The following SIPA1 variants were observed in gnomAD, a reference collection of about 807,000 sequenced individuals.
SIPA1 encodes signal-induced proliferation-associated protein 1.
SIPA1 carries 51 observed loss-of-function variants against 88.1 expected under a neutral mutation model. That is an observed-to-expected ratio of 0.58 (90% CI 0.46 to 0.73). The LOEUF (loss-of-function observed/expected upper bound fraction) is 0.73. SIPA1 is among the 30% of genes least tolerant of loss of function. The pLI, the probability that SIPA1 is intolerant of heterozygous loss-of-function variation, is 0.00. For missense variants in SIPA1, 1,348 were observed against 1,467.6 expected (o/e 0.92, Z 1.33); for synonymous variants, 681 against 664.8 (o/e 1.02, Z -0.37).
Position 65,647,391 on chromosome 11 carries a change from G to T in SIPA1, c.2039G>T (p.Ser680Ile). ...GTCCCGCCCCGTCCGCAGCTGGTGA[G>T]CCGTGGCTGCGAGACCCGCGAGCTG... is the stretch of plus-strand genomic sequence containing the variant. ...GEVVARLQLV[S>I]RGCETRELAL... Residue 680 changes from serine (S) to isoleucine (I), a missense_variant, in exon 9 of 16, where the codon AGC becomes ATC. Around this residue, in one of 4 missense-constraint regions of SIPA1, gnomAD observed 615 missense variants for 559.8 expected, o/e 1.10. Transcript: ENST00000534313. 1 of 1,450,118 alleles carries T rather than the reference G, an allele frequency of 6.9e-7. No homozygotes were observed. The allele number at this position is 1,450,118 out of a possible 1,614,324, so 89.8% of individuals were successfully genotyped here.
Position 65,647,651 on chromosome 11 carries a change from C to A in SIPA1, c.2299C>A (p.Pro767Thr). Residue 767 changes from proline to threonine, a missense_variant, in exon 9 of 16, where the codon CCC (proline) becomes ACC (threonine). Pro to Thr is a conservative substitution (Grantham distance 38, BLOSUM62 -1). Transcript: ENST00000534313. ...TVLPPDESGR[P>T]RRSFSELYTL... ...CCTGCCCCCCGACGAGAGCGGCCGG[C>A]CCCGCAGGTCAGGGTGCCGGGGACG... The A allele has an allele frequency of 1.5e-6, 2 of 1,364,740 alleles. No homozygotes were observed. Among genetic ancestry groups the A allele is most frequent in the Non-Finnish European group, 1.9e-6 (2 of 1,062,144 alleles). 84.5% of individuals were successfully genotyped at this position (1,364,740 alleles called of 1,614,324 possible). A position where few individuals can be genotyped will look rare whatever the true frequency, so the allele number is the denominator to read the frequency against.
rs751662594 is a variant in SIPA1 at position 65,641,377 on chromosome 11, G to C, written c.456G>C (p.Gln152His). Residue 152 changes from glutamine (Q) to histidine (H), a missense_variant, in exon 2 of 16, where the codon CAG becomes CAC. Coordinates refer to ENST00000534313, the MANE Select transcript of SIPA1 (RefSeq NM_006747.4). ...SSGTLASAEDQAASSDLLHGA... is the reference protein window; with the variant it reads ...SSGTLASAEDHAASSDLLHGA... ...GGACCCTGGCTTCAGCCGAGGACCA[G>C]GCTGCCAGCTCGGACCTGCTGCATG... is the stretch of plus-strand genomic sequence containing the variant. 5 of 1,613,194 alleles carry C rather than the reference G, an allele frequency of 3.1e-6. No homozygotes were observed. The highest frequency in any genetic ancestry group is 2.7e-5 in the African/African-American group (2 of 74,952).
chr11:65,649,433 G>A lies in SIPA1; in HGVS notation c.2478G>A (p.Glu826=). Residue 826 remains glutamate (E), a synonymous_variant, in exon 10 of 16, where the codon GAG becomes GAA. Coordinates refer to ENST00000534313, the MANE Select transcript of SIPA1 (RefSeq NM_006747.4). The part of the protein sequence containing the change: ...GSPPGPGDLA[E]ERTEFLHSQN... ...CTCCAGGGCCTGGGGATCTGGCCGA[G>A]GAGAGGACTGAGTTCCTGCACAGCC... 1.2e-6 allele frequency: 2 copies of A among 1,604,756 alleles called. No individual in the cohort carries two copies. The highest frequency in any genetic ancestry group is 1.7e-6 in the Non-Finnish European group (2 of 1,175,544).
chr11:65,647,423 C>G lies in SIPA1; in HGVS notation c.2071C>G (p.Pro691Ala). The G allele has an allele frequency of 6.8e-7, 1 of 1,475,364 alleles. No homozygotes were observed. The highest frequency in any genetic ancestry group is 8.9e-7 in the Non-Finnish European group (1 of 1,120,440). 91.4% of individuals were successfully genotyped at this position (1,475,364 alleles called of 1,614,324 possible). A position where few individuals can be genotyped will look rare whatever the true frequency, so the allele number is the denominator to read the frequency against. ...CTGCGAGACCCGCGAGCTGGCGCTG[C>G]CCCGCGACGGTCAAGGCCGCCTGGG... ...RGCETRELAL[P>A]RDGQGRLGFE... is the part of the protein sequence containing the mutation. The change falls in exon 9 of 16, where the codon CCC becomes GCC. Residue 691 changes from proline (P) to alanine (A), a missense_variant. By Grantham distance (27) the Pro-to-Ala change is conservative (BLOSUM62 -1). Transcript: ENST00000534313.
At position 65,650,690 on chromosome 11, in the gene SIPA1, G is replaced by T. The variant is rs1856251876; in HGVS notation, c.3104G>T (p.Gly1035Val). The T allele has an allele frequency of 6.3e-7, 1 of 1,580,962 alleles. No homozygotes were observed. The highest frequency in any genetic ancestry group is 2.3e-5 in the East Asian group (1 of 43,336). ...TRLLLASKQL[G>V]SPTADLA The stretch of plus-strand genomic sequence containing the variant: ...CTCCTCCTGGCCTCCAAGCAGCTGG[G>T]CTCACCCACCGCCGACCTGGCCTGA... The change falls in exon 16 of 16, where the codon GGC (glycine) becomes GTC (valine). Residue 1035 changes from glycine (G) to valine (V), a missense_variant. Physicochemically the swap from Gly to Val is moderately radical, Grantham distance 109. Transcript: ENST00000534313.
In SIPA1 at chr11:65,647,602, G is replaced by A; in HGVS notation, c.2250G>A (p.Ser750=). ...AGGCCGCTGCCCAGCTCCTGCGCTC[G>A]GCGCCCAAGGTCTGCGTCACCGTCC... ...RPEAAAQLLR[S]APKVCVTVLP... is the part of the protein sequence containing the mutation. The change falls in exon 9 of 16, where the codon TCG becomes TCA. Residue 750 remains serine, a synonymous_variant. Coordinates refer to ENST00000534313, the MANE Select transcript of SIPA1 (RefSeq NM_006747.4). 1.4e-6 allele frequency: 2 copies of A among 1,397,484 alleles called. No individual in the cohort carries two copies. The highest frequency in any genetic ancestry group is 1.9e-6 in the Non-Finnish European group (2 of 1,079,150). 86.6% of individuals were successfully genotyped at this position (1,397,484 alleles called of 1,614,324 possible). A position where few individuals can be genotyped will look rare whatever the true frequency, so the allele number is the denominator to read the frequency against.
At position 65,642,555 on chromosome 11, in the gene SIPA1, G is replaced by A. The variant is rs1331976421; in HGVS notation, c.900G>A (p.Ala300=). 3 of 1,602,842 alleles carry A rather than the reference G, an allele frequency of 1.9e-6. No homozygotes were observed. Among genetic ancestry groups the A allele is most frequent in the South Asian group, 2.2e-5 (2 of 90,470 alleles). ...LSPRKLLEHV[A]PQLSPSCLRL... is the part of the protein sequence containing the mutation. ...CAAGGAAACTTCTGGAGCACGTGGC[G>A]CCGCAGCTGAGCCCCAGCTGCCTGC... Residue 300 remains alanine (A), a synonymous_variant, in exon 4 of 16, where the codon GCG becomes GCA. Coordinates refer to ENST00000534313, the MANE Select transcript of SIPA1 (RefSeq NM_006747.4). This position sits in a 1 kb window ranked among gnomAD's most constrained non-coding sequence, Gnocchi z 6.5.
In SIPA1 at chr11:65,642,384, C is replaced by T. The variant is rs1331586390; in HGVS notation, c.807+7C>T. On this transcript the variant is annotated splice_region_variant and intron_variant, in intron 3 of 15. Coordinates refer to ENST00000534313, the MANE Select transcript of SIPA1 (RefSeq NM_006747.4). This position sits in a 1 kb window ranked among gnomAD's most constrained non-coding sequence, Gnocchi z 6.5. ...CATCGTGCGGACCACGCAGGTGGGCCGGGATCGCGGGATCAGGACGTGGGT... is the reference window on the plus strand; with the variant it reads ...CATCGTGCGGACCACGCAGGTGGGCTGGGATCGCGGGATCAGGACGTGGGT... 12 of 1,584,098 alleles carry T rather than the reference C, an allele frequency of 7.6e-6. No individual in the cohort carries two copies. Among genetic ancestry groups the T allele is most frequent in the African/African-American group, 2.7e-5 (2 of 74,078 alleles).
rs956486644 is a variant in SIPA1, at chr11:65,650,554, T to A, written c.2983-15T>A. 1 of 1,608,848 alleles carries A rather than the reference T, an allele frequency of 6.2e-7. No individual in the cohort carries two copies. Among genetic ancestry groups the A allele is most frequent in the Non-Finnish European group, 8.5e-7 (1 of 1,177,174 alleles). ...GGGGCTGGCGGCTCTGACTCCTGTC[T>A]CCCCGGCACCCCAGGAGAAGGCGGA... is the stretch of plus-strand genomic sequence containing the variant. On this transcript the variant is annotated splice_polypyrimidine_tract_variant and intron_variant, in intron 15 of 15. Coordinates refer to ENST00000534313, the MANE Select transcript of SIPA1 (RefSeq NM_006747.4).
At chr11:65,647,269 C>G (rs1447087007) in intron 8 of SIPA1, 115 bp from the exon 9 acceptor site, 2 of 1,364,682 alleles carry the variant, frequency 1.5e-6, no homozygotes, top group African/African-American at 1.5e-5. Flanking sequence ...GTGGCACACG[C>G]GGCCCTCGGG....
In SIPA1 at chr11:65,638,502, T is replaced by TC. The variant is rs1309104436; in HGVS notation, c.-92+325dup. 2.0e-5 allele frequency: 3 copies of TC among 151,970 alleles called. No homozygotes were observed. In the East Asian group the frequency reaches 5.9e-4, roughly 30 times the overall value. 9.4% of individuals were successfully genotyped at this position (151,970 alleles called of 1,614,324 possible). A position where few individuals can be genotyped will look rare whatever the true frequency, so the allele number is the denominator to read the frequency against. On this transcript the variant is annotated intron_variant, in intron 1 of 15. Coordinates refer to ENST00000534313, the MANE Select transcript of SIPA1 (RefSeq NM_006747.4). ...TCAACACTGCAAGTGTGTGCGGGGC[T>TC]CCCCCTTATTCTGAGGCTCCTCTTC...
At chr11:65,641,920 C>T (rs1856011558) in intron 2 of SIPA1, among the ~76,000 whole-genome samples, 1 of 152,184 alleles carries the variant, frequency 6.6e-6, no homozygotes, top group South Asian at 2.1e-4. Context: ...GCCTCAAATC[C>T]CTGCATCCGT....
rs1856031945 is a variant in SIPA1 at position 65,642,672 on chromosome 11, C to T, written c.984+33C>T. The T allele has an allele frequency of 4.7e-6, 7 of 1,483,100 alleles. No homozygotes were observed. The highest frequency in any genetic ancestry group is 5.4e-6 in the Non-Finnish European group (6 of 1,114,552). 91.9% of individuals were successfully genotyped at this position (1,483,100 alleles called of 1,614,324 possible). Reference sequence around the variant, plus strand: ...GCGGGCCGCGGAGCCCCCAGCCATACAGCTGGCCCCAGTCTGAACCCAGCC... The same window carrying T: ...GCGGGCCGCGGAGCCCCCAGCCATATAGCTGGCCCCAGTCTGAACCCAGCC... On this transcript the variant is annotated intron_variant, in intron 4 of 15. Coordinates refer to ENST00000534313, the MANE Select transcript of SIPA1 (RefSeq NM_006747.4). The surrounding 1 kb of genome is among the most constrained non-coding windows in gnomAD (Gnocchi z 6.5).
Position 65,646,767 on chromosome 11 carries a change from C to A in SIPA1, c.1733C>A (p.Ala578Glu), listed in dbSNP as rs778340939. The change falls in exon 8 of 16, where the codon GCG (alanine) becomes GAG (glutamate). Residue 578 changes from alanine (A) to glutamate (E), a missense_variant. Ala to Glu is a moderately radical substitution (Grantham distance 107). This residue lies in a region of SIPA1 where 68 missense variants were observed against 59.0 expected (regional missense o/e 1.15). Coordinates refer to ENST00000534313, the MANE Select transcript of SIPA1 (RefSeq NM_006747.4). This position sits in a 1 kb window ranked among gnomAD's most constrained non-coding sequence, Gnocchi z 7.5. ...GGCCCAGGCGCCGAGCTGCAGGCAG[C>A]GGGCTCACTGGTGTGGGGAGTGCGC... is the stretch of plus-strand genomic sequence containing the variant. ...PRGPGAELQA[A>E]GSLVWGVRAA... The A allele has an allele frequency of 6.7e-7, 1 of 1,486,002 alleles. No individual in the cohort carries two copies. The highest frequency in any genetic ancestry group is 1.3e-5 in the South Asian group (1 of 78,870). 92.1% of individuals were successfully genotyped at this position (1,486,002 alleles called of 1,614,324 possible). A position where few individuals can be genotyped will look rare whatever the true frequency, so the allele number is the denominator to read the frequency against.
intron 8 of SIPA1, 132 bp from the exon 9 acceptor site, chr11:65,647,252 T>C: frequency 7.3e-7 from 1 of 1,370,118 alleles, no homozygotes; most frequent in Non-Finnish European, 9.5e-7. Flanking sequence ...TCTTCATCCC[T>C]CGGGCGGTGG....
At chr11:65,650,351 G>A (rs1387589738) in intron 14 of SIPA1, 50 bp from the exon 15 acceptor site, 8 of 1,591,412 alleles carry the variant, frequency 5.0e-6, no homozygotes, top group Non-Finnish European at 6.9e-6. Context: ...GTCAGCTGGT[G>A]CACTGCCCCC....
In SIPA1 at chr11:65,650,793, G is replaced by A; in HGVS notation, c.*78G>A. ...CCTCAGGAACTCTCCCTGCGCAGAG[G>A]CGTGTCTTAGCACTGCCCCCCTCCC... is the stretch of plus-strand genomic sequence containing the variant. On this transcript the variant is annotated 3_prime_UTR_variant, in exon 16 of 16. Coordinates refer to ENST00000534313, the MANE Select transcript of SIPA1 (RefSeq NM_006747.4). 1 of 1,410,780 alleles carries A rather than the reference G, an allele frequency of 7.1e-7. No homozygotes were observed. Among genetic ancestry groups the A allele is most frequent in the East Asian group, 2.5e-5 (1 of 39,814 alleles). The allele number at this position is 1,410,780 out of a possible 1,614,324, so 87.4% of individuals were successfully genotyped here.
chr11:65,641,482 T>C lies in SIPA1; in HGVS notation c.561T>C (p.Pro187=). 1 of 1,612,202 alleles carries C rather than the reference T, an allele frequency of 6.2e-7. No individual in the cohort carries two copies. Among genetic ancestry groups the C allele is most frequent in the African/African-American group, 1.3e-5 (1 of 75,034 alleles). Residue 187 remains proline (P), a synonymous_variant, in exon 2 of 16, where the codon CCT becomes CCC. Coordinates refer to ENST00000534313, the MANE Select transcript of SIPA1 (RefSeq NM_006747.4). ...LGGPASPPVP[P]ALPNAAVSIL... Reference sequence around the variant, plus strand: ...GACCAGCATCCCCACCTGTGCCCCCTGCACTGCCCAACGCGGCCGTGTCCA... The same window carrying C: ...GACCAGCATCCCCACCTGTGCCCCCCGCACTGCCCAACGCGGCCGTGTCCA...
At position 65,649,454 on chromosome 11, in the gene SIPA1, C is replaced by T. The variant is rs368675431; in HGVS notation, c.2499C>T (p.His833=). The T allele has an allele frequency of 3.1e-6, 5 of 1,610,704 alleles. No homozygotes were observed. The South Asian group carries it at 4.4e-5, about 14-fold the overall frequency. ...DLAEERTEFL[H]SQNSLSPRSS... is the part of the protein sequence containing the mutation. ...CCGAGGAGAGGACTGAGTTCCTGCACAGCCAGAACTCGCTGTCACCACGCA... is the reference window on the plus strand; with the variant it reads ...CCGAGGAGAGGACTGAGTTCCTGCATAGCCAGAACTCGCTGTCACCACGCA... The change falls in exon 10 of 16, where the codon CAC becomes CAT. Residue 833 remains histidine (H), a synonymous_variant. Transcript: ENST00000534313.
Sources: gnomAD v4.1 joint callset for allele counts (sites outside exome capture counted in the v4.1 genomes callset) on GRCh38, gnomAD v4.1.1 for gene constraint, gnomAD v4.1.1 regional missense constraint, Gnocchi (gnomAD v3.1) non-coding constraint, MANE v1.5 for transcripts, NCBI Gene and HGNC (gene_info 2026-07-23, HGNC 2026-07-21) for gene names.